The following ZNF229 variants were observed in gnomAD, a reference collection of about 807,000 sequenced individuals.
ZNF229 encodes zinc finger protein 229.
In ZNF229, 10 loss-of-function variants were observed where a neutral mutation model predicts 11.8. The observed-to-expected ratio is 0.85, with a 90% CI of 0.52 to 1.44. The LOEUF (loss-of-function observed/expected upper bound fraction) is 1.44, where lower values mean the gene tolerates loss of function less well. ZNF229 is among the 40% of genes most tolerant of loss of function. ZNF229 has a pLI of 0.00. For missense variants in ZNF229, 1,045 were observed against 1,015.1 expected (o/e 1.03, Z -0.40); for synonymous variants, 368 against 374.8 (o/e 0.98, Z 0.21).
chr19:44,444,531 A>G (rs1367084548), intron 2 of ZNF229, among the ~76,000 whole-genome samples: 1 of 152,200 alleles, frequency 6.6e-6, no homozygotes, highest in Non-Finnish European at 1.5e-5. Context: ...AGTAGAGGCC[A>G]GATCTGAAAC....
At chr19:44,432,474 T>C in intron 4 of ZNF229, 108 bp from the exon 5 acceptor site, 1 of 1,493,196 alleles carries the variant, frequency 6.7e-7, no homozygotes, top group Non-Finnish European at 8.9e-7. Context: ...ATTAAGAAAA[T>C]GTGGCACATA....
chr19:44,443,391 A>T (rs2571168), intron 2 of ZNF229, among the ~76,000 whole-genome samples: 29,764 of 152,130 alleles, frequency 0.2, 3,031 homozygotes, highest in East Asian at 0.35. Flanking sequence ...AAATACAATA[A>T]ATCCCCATAC....
Position 44,430,213 on chromosome 19 carries a change from T to C in ZNF229, c.568A>G (p.Lys190Glu). The change falls in exon 6 of 6, where the codon AAA becomes GAA. Residue 190 changes from lysine (K) to glutamate (E), a missense_variant. By Grantham distance (56) the Lys-to-Glu change is moderately conservative. Coordinates refer to ENST00000614049, the MANE Select transcript of ZNF229 (RefSeq NM_014518.4). ...RPIPIQGSWAKAFVNQLGDVQ... is the reference protein window; with the variant it reads ...RPIPIQGSWAEAFVNQLGDVQ... ...TCCCCTAACTGGTTCACAAACGCTTTTGCCCAAGATCCTTGAATGGGGATT... is the reference window on the plus strand; with the variant it reads ...TCCCCTAACTGGTTCACAAACGCTTCTGCCCAAGATCCTTGAATGGGGATT... 1.2e-6 allele frequency: 2 copies of C among 1,614,148 alleles called. No individual in the cohort carries two copies. Among genetic ancestry groups the C allele is most frequent in the Non-Finnish European group, 1.7e-6 (2 of 1,180,036 alleles).
At chr19:44,442,356 G>C (rs879547903) in intron 4 of ZNF229, among the ~76,000 whole-genome samples, 1 of 152,150 alleles carries the variant, frequency 6.6e-6, no homozygotes, top group Non-Finnish European at 1.5e-5. Context: ...ACCTACCTGA[G>C]TTCAAATCCT....
chr19:44,441,056 T>C (rs1313573725), intron 4 of ZNF229, among the ~76,000 whole-genome samples: 1 of 152,086 alleles, frequency 6.6e-6, no homozygotes, highest in Non-Finnish European at 1.5e-5. Flanking sequence ...CAGAGGATAC[T>C]ATAGCCAAGT....
At chr19:44,436,493 T>C (rs1369216971) in intron 4 of ZNF229, among the ~76,000 whole-genome samples, 1 of 152,060 alleles carries the variant, frequency 6.6e-6, no homozygotes, top group Non-Finnish European at 1.5e-5. Flanking sequence ...CAAAAGTAGG[T>C]GTTTAAGCCA....
chr19:44,445,542 T>C (rs1331837465), intron 2 of ZNF229, among the ~76,000 whole-genome samples: 1 of 152,188 alleles, frequency 6.6e-6, no homozygotes, highest in African/African-American at 2.4e-5. Context: ...TTTGCCTTTT[T>C]CATCAGATGC....
At chr19:44,443,720 T>C (rs1401468603) in intron 2 of ZNF229, among the ~76,000 whole-genome samples, 1 of 152,188 alleles carries the variant, frequency 6.6e-6, no homozygotes, top group Admixed American at 6.5e-5. Flanking sequence ...CAAACCAGAA[T>C]ATGACATAAA....
intron 4 of ZNF229, among the ~76,000 whole-genome samples, chr19:44,440,293 A>C (rs1971885917): frequency 6.6e-6 from 1 of 152,144 alleles, no homozygotes; most frequent in South Asian, 2.1e-4. Flanking sequence ...AAGAAAGAAG[A>C]AAGAAAAGAA....
At chr19:44,433,745 G>A (rs552952383) in intron 4 of ZNF229, among the ~76,000 whole-genome samples, 9 of 151,996 alleles carry the variant, frequency 5.9e-5, no homozygotes, top group African/African-American at 1.4e-4. Context: ...ACCCAGTCTC[G>A]GGTTTTTGTT....
rs1291993278 is a variant in ZNF229, at chr19:44,428,634, T to G, written c.2147A>C (p.Glu716Ala). The change falls in exon 6 of 6, where the codon GAA becomes GCA. Residue 716 changes from glutamate (E) to alanine (A), a missense_variant. Transcript: ENST00000614049. ...GCCATATCTGAAACCCTTCCCACAT[T>G]CACAACAAGTGTAGGGTTTCTCTCC... is the stretch of plus-strand genomic sequence containing the variant. The part of the protein sequence containing the change: ...HTGEKPYTCC[E>A]CGKGFRYGSG... 2 of 1,613,782 alleles carry G rather than the reference T, an allele frequency of 1.2e-6. No homozygotes were observed. Among genetic ancestry groups the G allele is most frequent in the Non-Finnish European group, 1.7e-6 (2 of 1,179,996 alleles).
chr19:44,442,615 T>G lies in ZNF229; in HGVS notation c.41A>C (p.His14Pro). Residue 14 changes from histidine (H) to proline (P), a missense_variant, in exon 4 of 6, where the codon CAT becomes CCT. Transcript: ENST00000614049. ...LTSRHEKRAL[H>P]SQASAISQDR... The stretch of plus-strand genomic sequence containing the variant: ...TTGGGAAATGGCTGAGGCTTGAGAA[T>G]GAAGAGCTGTAGGAGGAGAAAGAGG... 6.2e-7 allele frequency: 1 copy of G among 1,613,990 alleles called. No individual in the cohort carries two copies. The highest frequency in any genetic ancestry group is 8.5e-7 in the Non-Finnish European group (1 of 1,179,978).
rs1303400596 is a variant in ZNF229, at chr19:44,427,752, T to G, written c.*551A>C. The G allele has an allele frequency of 1.3e-5, 2 of 152,870 alleles. No individual in the cohort carries two copies. Among genetic ancestry groups the G allele is most frequent in the Admixed American group, 6.5e-5 (1 of 15,348 alleles). The allele number at this position is 152,870 out of a possible 1,614,324, so 9.5% of individuals were successfully genotyped here. A position where few individuals can be genotyped will look rare whatever the true frequency, so the allele number is the denominator to read the frequency against. Reference sequence around the variant, plus strand: ...CAGTCATAAAAACATGATAAAAATGTGAGACACACACATCACCCAGATCTG... The same window carrying G: ...CAGTCATAAAAACATGATAAAAATGGGAGACACACACATCACCCAGATCTG... On this transcript the variant is annotated 3_prime_UTR_variant, in exon 6 of 6. Transcript: ENST00000614049.
chr19:44,428,071 TTTAAAGC>T lies in ZNF229; in HGVS notation c.*225_*231del. The stretch of plus-strand genomic sequence containing the variant: ...ACTGAAACCACTGCTGCACTGTTTC[TTTAAAGC>T]CTACTCCGCTGCACAACAGACTCTT... On this transcript the variant is annotated 3_prime_UTR_variant, in exon 6 of 6. Coordinates refer to ENST00000614049, the MANE Select transcript of ZNF229 (RefSeq NM_014518.4). 1 of 488,696 alleles carries T rather than the reference TTTAAAGC, an allele frequency of 2.0e-6. No individual in the cohort carries two copies. Among genetic ancestry groups the T allele is most frequent in the South Asian group, 3.7e-5 (1 of 26,850 alleles). The allele number at this position is 488,696 out of a possible 1,614,324, so 30.3% of individuals were successfully genotyped here.
At chr19:44,441,703 CAT>C (rs1404982782) in intron 4 of ZNF229, among the ~76,000 whole-genome samples, 2 of 152,082 alleles carry the variant, frequency 1.3e-5, no homozygotes, top group African/African-American at 4.8e-5. Context: ...GATATGTGTA[CAT>C]ATATGTGTAT....
chr19:44,442,387 C>T (rs549173937), intron 4 of ZNF229, among the ~76,000 whole-genome samples, 176 bp downstream of exon 4: 2 of 152,322 alleles, frequency 1.3e-5, no homozygotes, highest in African/African-American at 2.4e-5. Context: ...TTCATTTCTT[C>T]ATCTCTAAAA....
chr19:44,429,632 C>T lies in ZNF229; in HGVS notation c.1149G>A (p.Gly383=). ...GGTTTGAACTTCGACCAAATGCCTTCCCACACTCCTCACATTTATAGGGTC... is the reference window on the plus strand; with the variant it reads ...GGTTTGAACTTCGACCAAATGCCTTTCCACACTCCTCACATTTATAGGGTC... ...GRRPYKCEEC[G]KAFGRSSNLL... is the part of the protein sequence containing the mutation. The change falls in exon 6 of 6, where the codon GGG becomes GGA. Residue 383 remains glycine (G), a synonymous_variant. Coordinates refer to ENST00000614049, the MANE Select transcript of ZNF229 (RefSeq NM_014518.4). 1 of 1,614,088 alleles carries T rather than the reference C, an allele frequency of 6.2e-7. No homozygotes were observed. The highest frequency in any genetic ancestry group is 8.5e-7 in the Non-Finnish European group (1 of 1,180,016).
intron 4 of ZNF229, among the ~76,000 whole-genome samples, chr19:44,441,705 T>C (rs564248287): frequency 2.9e-4 from 44 of 152,342 alleles, no homozygotes; most frequent in African/African-American, 1.0e-3. Flanking sequence ...TATGTGTACA[T>C]ATATGTGTAT....
At position 44,429,488 on chromosome 19, in the gene ZNF229, C is replaced by T. The variant is rs1245203927; in HGVS notation, c.1293G>A (p.Lys431=). 6.2e-7 allele frequency: 1 copy of T among 1,612,430 alleles called. No individual in the cohort carries two copies. The highest frequency in any genetic ancestry group is 1.3e-5 in the African/African-American group (1 of 74,346). Residue 431 remains lysine, a synonymous_variant, in exon 6 of 6, where the codon AAG becomes AAA. Transcript: ENST00000614049. The stretch of plus-strand genomic sequence containing the variant: ...TGCCACACTCGCTGCAGGTGTAGGG[C>T]TTCTCCCCTGTGTGCAGCCTCTGAT... ...QVHQRLHTGE[K]PYTCSECGKG... is the part of the protein sequence containing the mutation.
Sources: allele counts gnomAD v4.1 joint callset (sites outside exome capture counted in the v4.1 genomes callset), GRCh38; gene constraint gnomAD v4.1.1; transcripts MANE v1.5; gene names NCBI Gene and HGNC (gene_info 2026-07-23, HGNC 2026-07-21).